Variants in AMZ1 observed in about 807,000 individuals in gnomAD.
AMZ1 encodes the protein archaelysin family metallopeptidase 1.
A neutral mutation model predicts 29.9 loss-of-function variants in AMZ1; 39 were observed. The ratio of observed to expected loss-of-function variants is 1.30; its 90% confidence interval spans 1.01 to 1.70. The LOEUF (loss-of-function observed/expected upper bound fraction) is 1.70, where lower values mean the gene tolerates loss of function less well. Among genes scored for constraint, AMZ1 ranks in the 40% most tolerant of loss-of-function variants. The pLI, the probability that AMZ1 is intolerant of heterozygous loss-of-function variation, is 0.00. For synonymous variants in AMZ1, 458 were observed against 304.0 expected (o/e 1.51, Z -5.27); for missense variants, 1,041 against 680.6 (o/e 1.53, Z -5.89).
Position 2,727,716 on chromosome 7 carries a change from A to T in AMZ1, n.550+17900A>T, listed in dbSNP as rs571123189. 2.0e-5 allele frequency among the ~76,000 whole-genome samples: 3 copies of T among 152,290 alleles called. No individual in the cohort carries two copies. The South Asian group carries it at 6.2e-4, about 32-fold the overall frequency. ...GGCTTTGTTTGGTATGTGGAAATAA[A>T]AACTGTGATGAATAAATAATAAACC... On this transcript the variant is annotated intron_variant and non_coding_transcript_variant, in intron 4 of 4. Transcript: ENST00000489665.
At chr7:2,749,414 A>G (rs1421675184) in intron 4 of AMZ1, among the ~76,000 whole-genome samples, 1 of 152,060 alleles carries the variant, frequency 6.6e-6, no homozygotes, top group Non-Finnish European at 1.5e-5. Flanking sequence ...TGCAAGGACA[A>G]AAAACCAAAC....
Position 2,700,508 on chromosome 7 carries a change from C to G in AMZ1, c.57C>G (p.Asp19Glu). ...EFSFGPRALK[D>E]ALVSTDAALQ... ...GCTTCGGGCCCCGGGCCTTGAAGGA[C>G]GCTCTGGTCTCCACTGACGCAGCCC... Residue 19 changes from aspartate (D) to glutamate (E), a missense_variant, in exon 2 of 7, where the codon GAC becomes GAG. Transcript: ENST00000683327. 1 of 1,606,414 alleles carries G rather than the reference C, an allele frequency of 6.2e-7. No individual in the cohort carries two copies. Among genetic ancestry groups the G allele is most frequent in the Non-Finnish European group, 8.5e-7 (1 of 1,179,900 alleles).
In AMZ1 at chr7:2,709,310, G is replaced by A. The variant is rs146152915; in HGVS notation, c.771+66G>A. ...GTGCTGTCTGAGCCCTTGGTGCCTC[G>A]GTCTGTTACACTGCCCCATCCTCAC... On this transcript the variant is annotated intron_variant, in intron 5 of 6. Transcript: ENST00000683327. 9.7e-4 allele frequency: 1,371 copies of A among 1,414,424 alleles called. 1 individual carries two copies. Among genetic ancestry groups the A allele is most frequent in the Admixed American group, 2.2e-3 (75 of 33,838 alleles). The allele number at this position is 1,414,424 out of a possible 1,614,324, so 87.6% of individuals were successfully genotyped here.
chr7:2,680,120 C>A (rs923009361), intron 1 of AMZ1, among the ~76,000 whole-genome samples: 3 of 152,090 alleles, frequency 2.0e-5, no homozygotes, highest in Non-Finnish European at 2.9e-5. Context: ...GTGGGGCGGG[C>A]AGTTGAGAGA....
At chr7:2,761,977 C>T (rs1791579555), upstream of AMZ1, among the ~76,000 whole-genome samples, 1 of 152,194 alleles carries the variant, frequency 6.6e-6, no homozygotes, top group Non-Finnish European at 1.5e-5. Context: ...CCACCCAGCA[C>T]CACAGCCTAA....
intron 4 of AMZ1, among the ~76,000 whole-genome samples, chr7:2,758,372 G>A (rs1334161855): frequency 1.3e-5 from 2 of 152,156 alleles, no homozygotes; most frequent in Non-Finnish European, 2.9e-5. Flanking sequence ...AAGCTCCAAT[G>A]CAGGCTTGCA....
intron 4 of AMZ1, among the ~76,000 whole-genome samples, chr7:2,727,623 T>A (rs1208561939): frequency 6.6e-6 from 1 of 152,200 alleles, no homozygotes. Context: ...CACCTTGGCC[T>A]CCCAAAGTGC....
At chr7:2,764,850 C>T (rs113922050) in exon 1 of AMZ1, 1 of 152,210 alleles carries the variant, frequency 6.6e-6, no homozygotes, top group African/African-American at 2.4e-5. Flanking sequence ...TGCGCCGCCT[C>T]GTCCTCTTAG....
At chr7:2,744,555 C>G (rs1233482778) in intron 4 of AMZ1, among the ~76,000 whole-genome samples, 1 of 152,002 alleles carries the variant, frequency 6.6e-6, no homozygotes, top group Non-Finnish European at 1.5e-5. Context: ...TAGAAAAGAC[C>G]ACAAAGATGG....
chr7:2,726,936 A>G (rs1031339771), intron 4 of AMZ1, among the ~76,000 whole-genome samples: 2 of 152,196 alleles, frequency 1.3e-5, no homozygotes, highest in African/African-American at 2.4e-5. Context: ...TGGTCTCCAG[A>G]GCACGTCAAG....
At chr7:2,720,967 C>A (rs1274277206), downstream of AMZ1, among the ~76,000 whole-genome samples, 2 of 152,242 alleles carry the variant, frequency 1.3e-5, no homozygotes, top group Admixed American at 1.3e-4. Context: ...GTGTGAGTCA[C>A]CACGCCCAGC....
rs7778736 is a variant in AMZ1 at position 2,713,298 on chromosome 7, C to T, written c.*420C>T. 0.34 allele frequency: 52,194 copies of T among 153,568 alleles called. 9,502 individuals carry two copies. The highest frequency in any genetic ancestry group is 0.47 in the African/African-American group (19,382 of 41,510). 9.5% of individuals were successfully genotyped at this position (153,568 alleles called of 1,614,324 possible). On this transcript the variant is annotated 3_prime_UTR_variant, in exon 7 of 7. Transcript: ENST00000683327. ...ACCACCTGTCTTCAGGCGCCTCCTT[C>T]AACTCCTGAGTCCCAGCCAGCCGCT...
At position 2,712,405 on chromosome 7, in the gene AMZ1, G is replaced by C. The variant is rs1788841766; in HGVS notation, c.1024G>C (p.Asp342His). The change falls in exon 7 of 7, where the codon GAC (aspartate) becomes CAC (histidine). Residue 342 changes from aspartate (D) to histidine (H), a missense_variant. Coordinates refer to ENST00000683327, the MANE Select transcript of AMZ1 (RefSeq NM_001384743.1). ...QEAGEPSVWE[D>H]TPPASADSGM... ...GGCGGGGGAGCCGTCAGTGTGGGAGGACACCCCGCCTGCCAGCGCCGACTC... is the reference window on the plus strand; with the variant it reads ...GGCGGGGGAGCCGTCAGTGTGGGAGCACACCCCGCCTGCCAGCGCCGACTC... The C allele has an allele frequency of 1.9e-6, 3 of 1,611,246 alleles. No individual in the cohort carries two copies. The South Asian group carries it at 3.3e-5, about 18-fold the overall frequency.
At chr7:2,746,781 TA>T in intron 4 of AMZ1, among the ~76,000 whole-genome samples, 1 of 151,444 alleles carries the variant, frequency 6.6e-6, no homozygotes, top group South Asian at 2.1e-4. Flanking sequence ...GCAAGACTAA[TA>T]AAGAAGAAAA....
chr7:2,757,638 A>C (rs1791366756), intron 4 of AMZ1, among the ~76,000 whole-genome samples: 1 of 152,192 alleles, frequency 6.6e-6, no homozygotes, highest in Non-Finnish European at 1.5e-5. Flanking sequence ...GCACATTGGG[A>C]GATCATTACA....
intron 4 of AMZ1, among the ~76,000 whole-genome samples, chr7:2,736,600 G>A (rs564986540): frequency 1.1e-4 from 17 of 152,296 alleles, no homozygotes; most frequent in African/African-American, 3.8e-4. Context: ...GGGCACAGCC[G>A]GGCAGATGTG....
chr7:2,760,126 C>G (rs531321983), upstream of AMZ1, among the ~76,000 whole-genome samples: 5 of 152,194 alleles, frequency 3.3e-5, no homozygotes, highest in African/African-American at 1.2e-4. Context: ...GATGTGTGGA[C>G]AAAGAGAGCC....
At chr7:2,720,593 C>CG, downstream of AMZ1, among the ~76,000 whole-genome samples, 1 of 151,924 alleles carries the variant, frequency 6.6e-6, no homozygotes, top group African/African-American at 2.4e-5. Flanking sequence ...TTAGTAGAGA[C>CG]GGGGTTTTAC....
chr7:2,692,262 C>T (rs773569617), intron 1 of AMZ1, among the ~76,000 whole-genome samples: 64 of 152,264 alleles, frequency 4.2e-4, no homozygotes, highest in Middle Eastern at 6.8e-3. Flanking sequence ...CGAGCTTGGC[C>T]GGGCGTGGTG....
Sources: allele counts gnomAD v4.1 joint callset (sites outside exome capture counted in the v4.1 genomes callset), GRCh38; gene constraint gnomAD v4.1.1; transcripts MANE v1.5; gene names NCBI Gene and HGNC (gene_info 2026-07-23, HGNC 2026-07-21).